Variants in ANKS1A observed in about 807,000 individuals in gnomAD.
ANKS1A encodes the protein ankyrin repeat and sterile alpha motif domain containing 1A.
A neutral mutation model predicts 120.3 loss-of-function variants in ANKS1A; 55 were observed. That is an observed-to-expected ratio of 0.46 (90% CI 0.37 to 0.57). ANKS1A has a LOEUF of 0.57. Ranked by LOEUF, ANKS1A falls within the 20% of genes least tolerant of loss-of-function variation. The pLI, the probability that ANKS1A is intolerant of heterozygous loss-of-function variation, is 0.00. For missense variants in ANKS1A, 1,123 were observed against 1,480.3 expected, an observed-to-expected ratio of 0.76 and a Z score of 3.96; for synonymous variants, 590 against 604.7, an observed-to-expected ratio of 0.98 and a Z score of 0.36.
intron 1 of ANKS1A, among the ~76,000 whole-genome samples, chr6:34,909,836 G>A (rs892958570): frequency 5.3e-5 from 8 of 152,224 alleles, no homozygotes; most frequent in Admixed American, 2.0e-4. Flanking sequence ...GGGGAAAAGC[G>A]AGAGTTATTT....
chr6:35,031,511 T>C (rs1774909357), intron 11 of ANKS1A, among the ~76,000 whole-genome samples: 1 of 152,190 alleles, frequency 6.6e-6, no homozygotes, highest in South Asian at 2.1e-4. Context: ...TCAAGTCCCC[T>C]TGTGCTCTTG....
chr6:35,091,441 G>A (rs1206742668), downstream of ANKS1A: 8 of 984,874 alleles, frequency 8.1e-6, no homozygotes, highest in African/African-American at 3.5e-5. Flanking sequence ...ATTGGAAAGC[G>A]TCTTGATGGT....
At position 34,937,327 on chromosome 6, in the gene ANKS1A, T is replaced by A. The variant is rs188959767; in HGVS notation, c.198-29912T>A. On this transcript the variant is annotated intron_variant, in intron 1 of 23. Coordinates refer to ENST00000360359, the MANE Select transcript of ANKS1A (RefSeq NM_015245.3). ...CTTAAAAAAATATATATATATATAT[T>A]TTTTTAAAAAGAATGGCTGGATTCA... Among the ~76,000 whole-genome samples, 973 of 151,466 alleles carry A rather than the reference T, an allele frequency of 6.4e-3. 5 individuals carry two copies. The highest frequency in any genetic ancestry group is 0.014 in the African/African-American group (582 of 41,330).
chr6:34,958,288 C>T (rs902539461), intron 1 of ANKS1A, among the ~76,000 whole-genome samples: 7 of 152,164 alleles, frequency 4.6e-5, no homozygotes, highest in Admixed American at 1.3e-4. Context: ...TTCAAACAGC[C>T]GCCAGTGCAC....
intron 1 of ANKS1A, among the ~76,000 whole-genome samples, chr6:34,905,061 T>C (rs1465341303): frequency 6.6e-6 from 1 of 152,254 alleles, no homozygotes. Flanking sequence ...TCTGCCTGCC[T>C]TAGCCTCCCA....
At chr6:35,081,574 C>T (rs1334971012) in intron 17 of ANKS1A, among the ~76,000 whole-genome samples, 2 of 152,222 alleles carry the variant, frequency 1.3e-5, no homozygotes, top group Non-Finnish European at 2.9e-5. Context: ...TTCCCCAGAA[C>T]TGCTTTCCCT....
intron 17 of ANKS1A, 134 bp downstream of exon 17, chr6:35,081,292 G>T: frequency 8.1e-7 from 1 of 1,227,862 alleles, no homozygotes; most frequent in Non-Finnish European, 1.1e-6. Context: ...GCACTAGCCT[G>T]CTCTGCTCGC....
chr6:35,042,715 G>A (rs1273201867), intron 11 of ANKS1A, among the ~76,000 whole-genome samples: 1 of 152,216 alleles, frequency 6.6e-6, no homozygotes, highest in Non-Finnish European at 1.5e-5. Context: ...TGCTTGTTAT[G>A]TGCCAGCCAC....
At chr6:34,958,841 A>G (rs764767505) in intron 1 of ANKS1A, among the ~76,000 whole-genome samples, 3 of 152,196 alleles carry the variant, frequency 2.0e-5, no homozygotes, top group Admixed American at 6.5e-5. Flanking sequence ...CCTCTTCTGT[A>G]AAACCTCTCT....
intron 11 of ANKS1A, among the ~76,000 whole-genome samples, chr6:35,049,593 T>G (rs192944951): frequency 1.3e-3 from 198 of 152,218 alleles, no homozygotes; most frequent in African/African-American, 4.6e-3. Flanking sequence ...GTTTTCCAAC[T>G]GGCAGGGGGT....
chr6:35,018,573 A>C (rs996761758), intron 11 of ANKS1A, among the ~76,000 whole-genome samples: 5 of 152,040 alleles, frequency 3.3e-5, no homozygotes, highest in African/African-American at 1.2e-4. Context: ...CAGGGGGTAC[A>C]TGTGCAGGTT....
downstream of ANKS1A, among the ~76,000 whole-genome samples, chr6:35,091,617 G>A (rs1778308302): frequency 6.6e-6 from 1 of 152,316 alleles, no homozygotes; most frequent in East Asian, 1.9e-4. Flanking sequence ...AGGGCCCCAG[G>A]ATTCACCTTC....
chr6:34,898,311 C>A (rs1767193084), intron 1 of ANKS1A, among the ~76,000 whole-genome samples: 2 of 152,174 alleles, frequency 1.3e-5, no homozygotes, highest in East Asian at 3.9e-4. Flanking sequence ...AGTTACAAAG[C>A]AATCCAGGTC....
intron 11 of ANKS1A, 150 bp downstream of exon 11, chr6:35,018,209 TAAG>T: frequency 3.8e-6 from 3 of 797,986 alleles, no homozygotes; most frequent in East Asian, 2.6e-5. Context: ...CTGACAATCG[TAAG>T]AAGAGGCGAG....
At chr6:35,091,869 C>A (rs370526627), downstream of ANKS1A, among the ~76,000 whole-genome samples, 1 of 152,190 alleles carries the variant, frequency 6.6e-6, no homozygotes, top group Non-Finnish European at 1.5e-5. Flanking sequence ...AGCCCGAAGC[C>A]GTGCTATGGT....
At chr6:35,074,208 C>T (rs1246478195) in intron 13 of ANKS1A, among the ~76,000 whole-genome samples, 4 of 152,232 alleles carry the variant, frequency 2.6e-5, no homozygotes, top group Non-Finnish European at 4.4e-5. Flanking sequence ...AACATCACTG[C>T]GGTGCCGCAG....
In ANKS1A at chr6:34,948,893, G is replaced by A. The variant is rs532284998; in HGVS notation, c.198-18346G>A. Among the ~76,000 whole-genome samples, 9 of 152,296 alleles carry A rather than the reference G, an allele frequency of 5.9e-5. 1 individual carries two copies. Among genetic ancestry groups the A allele is most frequent in the African/African-American group, 1.7e-4 (7 of 41,562 alleles). ...GAAGAGCTGAGGACAAGTGTCATCC[G>A]AGGAAGTCAAGAGGATTCATCCCGG... On this transcript the variant is annotated intron_variant, in intron 1 of 23. Coordinates refer to ENST00000360359, the MANE Select transcript of ANKS1A (RefSeq NM_015245.3).
In ANKS1A at chr6:35,078,608, C is replaced by A; in HGVS notation, c.2235C>A (p.Asp745Glu). 1 of 1,607,476 alleles carries A rather than the reference C, an allele frequency of 6.2e-7. No individual in the cohort carries two copies. Among genetic ancestry groups the A allele is most frequent in the Non-Finnish European group, 8.5e-7 (1 of 1,179,942 alleles). The change falls in exon 14 of 24, where the codon GAC becomes GAA. Residue 745 changes from aspartate to glutamate, a missense_variant. Transcript: ENST00000360359. ...EQDLRDIGIS[D>E]PQHRRKLLQA... ...ACCTGCGGGACATCGGCATCAGCGACCCACAGCACCGGCGGAAGCTGCTCC... is the reference window on the plus strand; with the variant it reads ...ACCTGCGGGACATCGGCATCAGCGAACCACAGCACCGGCGGAAGCTGCTCC...
At chr6:35,081,379 G>A (rs1777668866) in intron 17 of ANKS1A, among the ~76,000 whole-genome samples, 1 of 152,184 alleles carries the variant, frequency 6.6e-6, no homozygotes, top group Admixed American at 6.5e-5. Flanking sequence ...CACTTTAGCT[G>A]TCAGCTGCTG....
Sources: gnomAD v4.1 joint callset for allele counts (sites outside exome capture counted in the v4.1 genomes callset) on GRCh38, gnomAD v4.1.1 for gene constraint, MANE v1.5 for transcripts, NCBI Gene and HGNC (gene_info 2026-07-23, HGNC 2026-07-21) for gene names.